CSMD3: variants seen among roughly 807,000 people sequenced by gnomAD.
The protein encoded by CSMD3 is CUB and Sushi multiple domains 3.
CSMD3 carries 177 observed loss-of-function variants against 435.2 expected under a neutral mutation model. That is an observed-to-expected ratio of 0.41 (90% CI 0.36 to 0.46). The LOEUF is 0.46. Ranked by LOEUF, CSMD3 falls within the 20% of genes least tolerant of loss-of-function variation. The pLI, the probability that CSMD3 is intolerant of heterozygous loss-of-function variation, is 0.34. For synonymous variants in CSMD3, 1,656 were observed against 1,520.5 expected (o/e 1.09, Z -2.07); for missense variants, 4,265 against 4,504.6 (o/e 0.95, Z 1.52).
intron 10 of CSMD3, among the ~76,000 whole-genome samples, chr8:112,910,817 G>T (rs1406072685): frequency 6.6e-6 from 1 of 151,818 alleles, no homozygotes; most frequent in African/African-American, 2.4e-5. Context: ...TCAATTATTA[G>T]CCATGTGGCT....
intron 13 of CSMD3, among the ~76,000 whole-genome samples, chr8:112,715,971 C>T (rs1271859422): frequency 6.6e-6 from 1 of 152,178 alleles, no homozygotes; most frequent in Non-Finnish European, 1.5e-5. Flanking sequence ...CAATATCACA[C>T]TGAGTGGGCA....
At chr8:112,249,053 A>G (rs1277816075) in intron 63 of CSMD3, among the ~76,000 whole-genome samples, 2 of 152,036 alleles carry the variant, frequency 1.3e-5, no homozygotes, top group East Asian at 1.9e-4. Flanking sequence ...TATGGGCTAG[A>G]TTATGTTATA....
At chr8:112,534,865 G>A (rs959293699) in intron 27 of CSMD3, among the ~76,000 whole-genome samples, 1 of 152,134 alleles carries the variant, frequency 6.6e-6, no homozygotes, top group Admixed American at 6.6e-5. Flanking sequence ...GGGATGCAAG[G>A]CTGGTTCAAT....
At chr8:112,733,309 T>C (rs1421804033) in intron 13 of CSMD3, among the ~76,000 whole-genome samples, 4 of 152,014 alleles carry the variant, frequency 2.6e-5, no homozygotes, top group Non-Finnish European at 4.4e-5. Flanking sequence ...CTTAAAAGTG[T>C]GTTTAGATTT....
intron 32 of CSMD3, among the ~76,000 whole-genome samples, chr8:112,439,722 G>C (rs893306833): frequency 3.9e-5 from 6 of 152,000 alleles, no homozygotes; most frequent in Admixed American, 6.6e-5. Flanking sequence ...CATAATGTCA[G>C]GAAGAAGAAG....
intron 32 of CSMD3, among the ~76,000 whole-genome samples, chr8:112,435,900 A>AT (rs1204827825): frequency 1.3e-5 from 2 of 151,890 alleles, no homozygotes; most frequent in East Asian, 1.9e-4. Flanking sequence ...AGATGTTTTC[A>AT]TTTTTTTGTA....
chr8:112,594,754 C>T (rs1283815516), intron 22 of CSMD3, among the ~76,000 whole-genome samples: 1 of 152,176 alleles, frequency 6.6e-6, no homozygotes, highest in Non-Finnish European at 1.5e-5. Context: ...AGTAGGGGCA[C>T]ACTGACACCT....
intron 58 of CSMD3, among the ~76,000 whole-genome samples, chr8:112,283,509 G>A (rs928122860): frequency 1.7e-4 from 26 of 151,560 alleles, no homozygotes; most frequent in Admixed American, 1.3e-3. Flanking sequence ...GTATTAATAT[G>A]AATATAATTA....
At chr8:112,653,585 A>C in intron 18 of CSMD3, among the ~76,000 whole-genome samples, 1 of 152,132 alleles carries the variant, frequency 6.6e-6, no homozygotes, top group East Asian at 1.9e-4. Flanking sequence ...TAGAAATAAA[A>C]ATAAATTATA....
rs142192140 is a variant in CSMD3, at chr8:112,411,006, C to T, written c.5396-1974G>A. Among the ~76,000 whole-genome samples, 553 of 96,872 alleles carry T rather than the reference C, an allele frequency of 5.7e-3. 4 individuals are homozygous for T. Among genetic ancestry groups the T allele is most frequent in the African/African-American group, 0.015 (535 of 36,202 alleles). The allele number at this position is 96,872 out of a possible 152,430, so 63.6% of individuals were successfully genotyped here. ...TACCGCATCCTTTAACTCTTTCTTT[C>T]TATTAGAAAACATGCCCAATTTCCT... is the stretch of plus-strand genomic sequence containing the variant. On this transcript the variant is annotated intron_variant, in intron 32 of 70. Coordinates refer to ENST00000297405, the MANE Select transcript of CSMD3 (RefSeq NM_198123.2).
chr8:113,286,900 A>G (rs559870095), intron 2 of CSMD3, among the ~76,000 whole-genome samples: 1 of 152,034 alleles, frequency 6.6e-6, no homozygotes, highest in African/African-American at 2.4e-5. Flanking sequence ...GAGAAAGGGA[A>G]GCAGGAGGAA....
At chr8:113,342,109 A>T (rs2094123452) in intron 1 of CSMD3, among the ~76,000 whole-genome samples, 1 of 152,104 alleles carries the variant, frequency 6.6e-6, no homozygotes, top group South Asian at 2.1e-4. Context: ...GAAAATTTTG[A>T]TAAATTAAAC....
intron 4 of CSMD3, among the ~76,000 whole-genome samples, chr8:113,168,652 C>A (rs2092209977): frequency 6.8e-6 from 1 of 146,946 alleles, no homozygotes. Context: ...AATATATTTT[C>A]ATTTTGGCGA....
At chr8:112,306,697 C>T (rs1253622849) in intron 50 of CSMD3, among the ~76,000 whole-genome samples, 1 of 152,038 alleles carries the variant, frequency 6.6e-6, no homozygotes, top group Non-Finnish European at 1.5e-5. Flanking sequence ...TAGCAGAAGC[C>T]ACAATGTATG....
At position 112,886,537 on chromosome 8, in the gene CSMD3, C is replaced by T. The variant is rs73346007; in HGVS notation, c.1634-27271G>A. 2.9e-3 allele frequency among the ~76,000 whole-genome samples: 436 copies of T among 151,142 alleles called. 1 individual carries two copies. The highest frequency in any genetic ancestry group is 9.8e-3 in the African/African-American group (403 of 41,272). ...TATAGTGTGAATTAGCTGTGCTATC[C>T]CTACAGATGATGGCAAACACAAATA... On this transcript the variant is annotated intron_variant, in intron 10 of 70. Coordinates refer to ENST00000297405, the MANE Select transcript of CSMD3 (RefSeq NM_198123.2).
rs371731538 is a variant in CSMD3, at chr8:113,029,316, T to C, written c.918-10137A>G. ...CTAATACCAAAACCAGGGAAGGGCA[T>C]AACCAAAAAAGAAAACTACAGACTG... On this transcript the variant is annotated intron_variant, in intron 5 of 70. Coordinates refer to ENST00000297405, the MANE Select transcript of CSMD3 (RefSeq NM_198123.2). 9.1e-4 allele frequency among the ~76,000 whole-genome samples: 137 copies of C among 151,320 alleles called. 6 individuals carry two copies. The South Asian group carries it at 0.025, about 28-fold the overall frequency.
intron 1 of CSMD3, among the ~76,000 whole-genome samples, chr8:113,321,113 T>C (rs2093946634): frequency 6.6e-6 from 1 of 152,152 alleles, no homozygotes; most frequent in African/African-American, 2.4e-5. Context: ...CCTGCTAGGC[T>C]TTCTGCATTT....
At chr8:112,872,453 C>G (rs2081162719) in intron 10 of CSMD3, among the ~76,000 whole-genome samples, 1 of 151,938 alleles carries the variant, frequency 6.6e-6, no homozygotes, top group Non-Finnish European at 1.5e-5. Flanking sequence ...CAGCAAGAAG[C>G]AGACTGCACA....
intron 17 of CSMD3, among the ~76,000 whole-genome samples, chr8:112,661,044 G>T (rs549657231): frequency 2.2e-4 from 34 of 152,202 alleles, no homozygotes; most frequent in African/African-American, 8.2e-4. Context: ...GCACAAGACT[G>T]ATTATTGTTC....
Sources: allele counts gnomAD v4.1 joint callset (sites outside exome capture counted in the v4.1 genomes callset), GRCh38; gene constraint gnomAD v4.1.1; transcripts MANE v1.5; gene names NCBI Gene and HGNC (gene_info 2026-07-23, HGNC 2026-07-21).